Variants in SLCO4A1 observed in about 807,000 individuals in gnomAD.
SLCO4A1 encodes solute carrier organic anion transporter family member 4A1, also known as colon organic anion transporter.
SLCO4A1 carries 51 observed loss-of-function variants against 64.6 expected under a neutral mutation model. The observed-to-expected ratio is 0.79, with a 90% CI of 0.63 to 1.00. The LOEUF (loss-of-function observed/expected upper bound fraction) is 1.00. Among genes scored for constraint, SLCO4A1 ranks in the 50% least tolerant of loss-of-function variants. The probability of loss-of-function intolerance (pLI) is 0.00; values close to 1 mark genes in which losing one functional copy is unlikely to be tolerated. For synonymous variants in SLCO4A1, 471 were observed against 444.9 expected (o/e 1.06, Z -0.74); for missense variants, 919 against 980.5 (o/e 0.94, Z 0.84).
At chr20:62,677,928 C>G (rs1987668014) in intron 2 of SLCO4A1, among the ~76,000 whole-genome samples, 1 of 152,252 alleles carries the variant, frequency 6.6e-6, no homozygotes, top group South Asian at 2.1e-4. Flanking sequence ...CCCACTTCCC[C>G]TTAGGGGAGG....
chr20:62,648,044 G>A (rs1018367509), intron 1 of SLCO4A1, among the ~76,000 whole-genome samples: 4 of 152,218 alleles, frequency 2.6e-5, no homozygotes, highest in East Asian at 1.9e-4. Context: ...GCACACGCAC[G>A]CATACACCCT....
At chr20:62,643,293 A>T in intron 1 of SLCO4A1, 1 of 315,492 alleles carries the variant, frequency 3.2e-6, no homozygotes, top group Non-Finnish European at 6.3e-6. Context: ...ACCAGGGAGG[A>T]TGGAAAGGAA....
intron 2 of SLCO4A1, among the ~76,000 whole-genome samples, chr20:62,681,372 C>T (rs1032041467): frequency 1.3e-5 from 2 of 152,156 alleles, no homozygotes; most frequent in Non-Finnish European, 2.9e-5. Context: ...CTTATACTCA[C>T]TCGTGTGCGT....
In SLCO4A1 at chr20:62,666,425, GCTT is replaced by G. The variant is rs747017166; in HGVS notation, c.1326_1328del (p.Phe443del). The G allele has an allele frequency of 4.2e-5, 68 of 1,613,198 alleles. No individual in the cohort carries two copies. The East Asian group carries it at 1.5e-3, about 35-fold the overall frequency. On this transcript the variant is annotated inframe_deletion, in exon 7 of 12. Coordinates refer to ENST00000217159, the MANE Select transcript of SLCO4A1 (RefSeq NM_016354.4). ...GGTGGTGGCGGCACCTTCCTGGGCG[GCTT>G]CTTTGTGAACAAGCTCAGGCTCCGG...
intron 1 of SLCO4A1, among the ~76,000 whole-genome samples, chr20:62,647,086 G>A (rs1981483441): frequency 6.6e-6 from 1 of 152,272 alleles, no homozygotes; most frequent in Non-Finnish European, 1.5e-5. Context: ...CACCAGGTAT[G>A]CAAATTGGGG....
At chr20:62,660,326 G>C (rs1984526552) in intron 3 of SLCO4A1, 86 bp from the exon 4 acceptor site, 11 of 1,505,246 alleles carry the variant, frequency 7.3e-6, no homozygotes, top group Middle Eastern at 2.1e-4. Context: ...TCTGCCCGGA[G>C]GAGGGGCCAG....
At chr20:62,652,134 G>C (rs1346723092) in intron 1 of SLCO4A1, 1 of 151,350 alleles carries the variant, frequency 6.6e-6, no homozygotes. Context: ...GCCTGCGTCA[G>C]GCTGTTCCTT....
At chr20:62,687,297 C>T (rs372008465), downstream of SLCO4A1, among the ~76,000 whole-genome samples, 5 of 151,970 alleles carry the variant, frequency 3.3e-5, no homozygotes, top group East Asian at 5.8e-4. Context: ...GTTGACCAAA[C>T]GCCACACAGC....
At position 62,645,092 on chromosome 20, in the gene SLCO4A1, G is replaced by A. The variant is rs1005301446; in HGVS notation, c.-97+2539G>A. 1.3e-5 allele frequency among the ~76,000 whole-genome samples: 2 copies of A among 152,210 alleles called. No individual in the cohort carries two copies. The highest frequency in any genetic ancestry group is 2.4e-5 in the African/African-American group (1 of 41,444). On this transcript the variant is annotated intron_variant, in intron 1 of 11. Coordinates refer to ENST00000217159, the MANE Select transcript of SLCO4A1 (RefSeq NM_016354.4). This position sits in a 1 kb window ranked among gnomAD's most constrained non-coding sequence, Gnocchi z 4.2. ...AGACCTTGCTGTTGCCTTCGTTCTG[G>A]GACATGGACCACTGTCTGGCCCCCC...
chr20:62,654,194 G>C (rs970600379), intron 1 of SLCO4A1, among the ~76,000 whole-genome samples: 2 of 152,170 alleles, frequency 1.3e-5, no homozygotes, highest in Non-Finnish European at 2.9e-5. Flanking sequence ...GCCCGTCTCT[G>C]TCTCTGTCTG....
intron 9 of SLCO4A1, 138 bp from the exon 10 acceptor site, chr20:62,668,339 A>G: frequency 8.0e-7 from 1 of 1,249,026 alleles, no homozygotes; most frequent in Non-Finnish European, 1.2e-6. Context: ...ACTGTCTCTG[A>G]TCTCTGACGA....
At chr20:62,689,077 G>A (rs1472081991), downstream of SLCO4A1, among the ~76,000 whole-genome samples, 2 of 152,212 alleles carry the variant, frequency 1.3e-5, no homozygotes, top group Admixed American at 6.5e-5. Flanking sequence ...ATAAATGGAC[G>A]GTCTCTAAGG....
intron 1 of SLCO4A1, 119 bp downstream of exon 1, chr20:62,642,672 G>C (rs1000422878): frequency 6.0e-6 from 1 of 166,802 alleles, no homozygotes; most frequent in African/African-American, 2.4e-5. Context: ...GATGCGCGCG[G>C]GGGCGGGAGG....
rs1980969592 is a variant in SLCO4A1 at position 62,644,488 on chromosome 20, G to A, written c.-97+1935G>A. The stretch of plus-strand genomic sequence containing the variant: ...GGCAGGGCAGGCTGGGCCAGGTGAA[G>A]GGTGGCCAGGTGGATGGACATGCTC... On this transcript the variant is annotated intron_variant, in intron 1 of 11. Transcript: ENST00000217159. The surrounding 1 kb of genome is among the most constrained non-coding windows in gnomAD (Gnocchi z 5.4). Among the ~76,000 whole-genome samples, 1 of 152,250 alleles carries A rather than the reference G, an allele frequency of 6.6e-6. No individual in the cohort carries two copies. The highest frequency in any genetic ancestry group is 2.1e-4 in the South Asian group (1 of 4,830).
intron 5 of SLCO4A1, among the ~76,000 whole-genome samples, chr20:62,662,543 T>G (rs2147089393): frequency 6.6e-6 from 1 of 152,368 alleles, no homozygotes; most frequent in Middle Eastern, 3.4e-3. Flanking sequence ...ATGGGACATG[T>G]TCCCTTTATT....
At chr20:62,676,762 G>A (rs1987614700), downstream of SLCO4A1, among the ~76,000 whole-genome samples, 1 of 152,222 alleles carries the variant, frequency 6.6e-6, no homozygotes, top group Non-Finnish European at 1.5e-5. Flanking sequence ...CATGGAATTA[G>A]CAGATGACCC....
intron 2 of SLCO4A1, among the ~76,000 whole-genome samples, chr20:62,677,470 C>T (rs771682616): frequency 6.6e-6 from 1 of 152,112 alleles, no homozygotes; most frequent in Non-Finnish European, 1.5e-5. Context: ...TGTGTGGGCC[C>T]CATGTTCAGA....
intron 2 of SLCO4A1, among the ~76,000 whole-genome samples, chr20:62,681,413 TTTA>T (rs1196769061): frequency 6.6e-6 from 1 of 152,152 alleles, no homozygotes; most frequent in African/African-American, 2.4e-5. Context: ...TGTGTGCGTG[TTTA>T]TTAAGCCTTG....
At position 62,664,937 on chromosome 20, in the gene SLCO4A1, C is replaced by T; in HGVS notation, c.1125C>T (p.Ser375=). The change falls in exon 6 of 12, where the codon TCC becomes TCT. Residue 375 remains serine, a synonymous_variant. Transcript: ENST00000217159. ...FGKTIRDLPL[S]IWLLLKNPTF... ...CCACACCCCCACCTCTGCCCAGCTC[C>T]ATCTGGCTCCTGCTGAAGAACCCCA... 6.2e-7 allele frequency: 1 copy of T among 1,605,958 alleles called. No individual in the cohort carries two copies.
Sources: allele counts gnomAD v4.1 joint callset (sites outside exome capture counted in the v4.1 genomes callset), GRCh38; gene constraint gnomAD v4.1.1; non-coding constraint Gnocchi (gnomAD v3.1); transcripts MANE v1.5; gene names NCBI Gene and HGNC (gene_info 2026-07-23, HGNC 2026-07-21).